Variants in MYZAP observed in about 807,000 individuals in gnomAD.
The protein encoded by MYZAP is myocardial zonula adherens protein.
Under a neutral mutation model 69.4 loss-of-function variants are expected in MYZAP, and 66 were observed. The ratio of observed to expected loss-of-function variants is 0.95; its 90% CI spans 0.78 to 1.17. The LOEUF (loss-of-function observed/expected upper bound fraction) is 1.17, where lower values mean the gene tolerates loss of function less well. Among genes scored for constraint, MYZAP ranks in the 50% most tolerant of loss-of-function variants. The probability of loss-of-function intolerance (pLI) is 0.00; values close to 1 mark genes in which losing one functional copy is unlikely to be tolerated. For missense variants in MYZAP, 611 were observed against 556.2 expected (o/e 1.10, Z -0.99); for synonymous variants, 256 against 205.9 (o/e 1.24, Z -2.09).
At chr15:57,646,314 G>A in intron 10 of MYZAP, 1 of 1,221,624 alleles carries the variant, frequency 8.2e-7, no homozygotes, top group Non-Finnish European at 1.0e-6. Context: ...AACAAAACAG[G>A]AAGGACATAT....
intron 1 of MYZAP, among the ~76,000 whole-genome samples, chr15:57,593,038 A>G (rs940288792): frequency 1.3e-5 from 2 of 152,116 alleles, no homozygotes; most frequent in Admixed American, 6.5e-5. Context: ...TTGCTTTTAC[A>G]TGCCTTAAGC....
At chr15:57,624,315 G>A (rs2035995717) in intron 4 of MYZAP, among the ~76,000 whole-genome samples, 1 of 152,122 alleles carries the variant, frequency 6.6e-6, no homozygotes, top group Non-Finnish European at 1.5e-5. Flanking sequence ...TTTATGGCTG[G>A]GCTGTGAGAT....
Position 57,633,708 on chromosome 15 carries a change from G to C in MYZAP, c.900G>C (p.Gly300=). The change falls in exon 8 of 13, where the codon GGG becomes GGC. Residue 300 remains glycine (G), a synonymous_variant. Transcript: ENST00000267853. ...TAGAGGAGAAAGACCAGAGGATCGG[G>C]GAGCTGGACAGGCTGATTGAGCGCA... is the stretch of plus-strand genomic sequence containing the variant. The part of the protein sequence containing the change: ...ISLEEKDQRI[G]ELDRLIERME... 6.2e-7 allele frequency: 1 copy of C among 1,612,158 alleles called. No homozygotes were observed.
intron 9 of MYZAP, among the ~76,000 whole-genome samples, chr15:57,638,080 G>T (rs2036921432): frequency 6.6e-6 from 1 of 152,200 alleles, no homozygotes; most frequent in Admixed American, 6.5e-5. Flanking sequence ...CCTTGTTGAT[G>T]AGAAAACTCA....
At chr15:57,672,841 G>A (rs1157646503) in intron 11 of MYZAP, among the ~76,000 whole-genome samples, 2 of 151,892 alleles carry the variant, frequency 1.3e-5, no homozygotes, top group South Asian at 2.1e-4. Context: ...AAACTCCACC[G>A]CTGTCCCCAT....
chr15:57,633,733 A>C lies in MYZAP; in HGVS notation c.925A>C (p.Met309Leu). 1 of 1,607,484 alleles carries C rather than the reference A, an allele frequency of 6.2e-7. No homozygotes were observed. ...IGELDRLIER[M>L]EKERHQLQLQ... ...GGAGCTGGACAGGCTGATTGAGCGC[A>C]TGGAAAAGGTAGGACACAGCGTTGG... The change falls in exon 8 of 13, where the codon ATG (methionine) becomes CTG (leucine). Residue 309 changes from methionine (M) to leucine (L), a missense_variant. Met to Leu is a conservative substitution (Grantham distance 15, BLOSUM62 2). Transcript: ENST00000267853.
chr15:57,633,508 G>T, intron 7 of MYZAP, 105 bp from the exon 8 acceptor site: 2 of 1,393,110 alleles, frequency 1.4e-6, no homozygotes, highest in Non-Finnish European at 9.4e-7. Flanking sequence ...CCAAGGTCAT[G>T]TTTTAAAGAG....
intron 5 of MYZAP, among the ~76,000 whole-genome samples, chr15:57,627,313 C>T (rs576826381): frequency 3.1e-3 from 455 of 146,330 alleles, no homozygotes; most frequent in Non-Finnish European, 4.6e-3. Flanking sequence ...TCCTGGACAG[C>T]CAAAGGAGCC....
chr15:57,634,656 G>C (rs1277568951), intron 8 of MYZAP, among the ~76,000 whole-genome samples: 2 of 152,324 alleles, frequency 1.3e-5, no homozygotes, highest in East Asian at 3.9e-4. Context: ...CATAAGGCGA[G>C]GTGTCGCCAC....
intron 1 of MYZAP, among the ~76,000 whole-genome samples, chr15:57,593,190 A>ATGCGCGCGCGCGCG (rs376306761): frequency 0.072 from 7,810 of 107,942 alleles, 380 homozygotes; most frequent in African/African-American, 0.13. Context: ...ACACAGGCGC[A>ATGCGCGCGCGCGCG]CACACACACA....
chr15:57,644,276 A>G (rs1210452588), intron 10 of MYZAP, among the ~76,000 whole-genome samples: 2 of 152,078 alleles, frequency 1.3e-5, no homozygotes, highest in East Asian at 1.9e-4. Context: ...GGTGAACTCA[A>G]TAGGAAGGGC....
At chr15:57,640,786 T>C (rs536471706) in intron 10 of MYZAP, among the ~76,000 whole-genome samples, 1 of 152,318 alleles carries the variant, frequency 6.6e-6, no homozygotes, top group East Asian at 1.9e-4. Context: ...ACATCTTATA[T>C]TGGTTCACAC....
At chr15:57,592,930 A>C (rs2033778505) in intron 1 of MYZAP, among the ~76,000 whole-genome samples, 1 of 152,106 alleles carries the variant, frequency 6.6e-6, no homozygotes, top group Non-Finnish European at 1.5e-5. Flanking sequence ...TCTGATTGAG[A>C]CTTCTGTAAT....
chr15:57,663,055 T>C (rs564027781), intron 11 of MYZAP, among the ~76,000 whole-genome samples: 80 of 152,326 alleles, frequency 5.3e-4, no homozygotes, highest in Admixed American at 9.8e-4. Flanking sequence ...TTTCTGAAAT[T>C]GCAGCTCCCT....
At chr15:57,652,161 T>C (rs1178729406) in intron 10 of MYZAP, among the ~76,000 whole-genome samples, 1 of 152,150 alleles carries the variant, frequency 6.6e-6, no homozygotes, top group African/African-American at 2.4e-5. Context: ...AAAATGTACC[T>C]TTTTCCCTCC....
chr15:57,683,670 G>A (rs150813810), intron 12 of MYZAP, among the ~76,000 whole-genome samples: 98 of 152,286 alleles, frequency 6.4e-4, no homozygotes, highest in African/African-American at 2.3e-3. Context: ...CTGAAGGCTG[G>A]GATGTCTAAG....
chr15:57,682,924 C>T (rs2039515662), intron 12 of MYZAP, among the ~76,000 whole-genome samples: 1 of 152,156 alleles, frequency 6.6e-6, no homozygotes, highest in Non-Finnish European at 1.5e-5. Flanking sequence ...ATGTGAATTT[C>T]CTGGTGGTGC....
At chr15:57,638,583 C>T (rs2036953141) in intron 9 of MYZAP, among the ~76,000 whole-genome samples, 1 of 152,212 alleles carries the variant, frequency 6.6e-6, no homozygotes, top group African/African-American at 2.4e-5. Flanking sequence ...GGCACGGGAA[C>T]TAGACCACCA....
At chr15:57,683,642 A>T (rs1338662677) in intron 12 of MYZAP, among the ~76,000 whole-genome samples, 1 of 152,128 alleles carries the variant, frequency 6.6e-6, no homozygotes, top group Non-Finnish European at 1.5e-5. Context: ...AAACAACAGA[A>T]ATTTTTTTCT....
Sources: allele counts gnomAD v4.1 joint callset (sites outside exome capture counted in the v4.1 genomes callset), GRCh38; gene constraint gnomAD v4.1.1; transcripts MANE v1.5; gene names NCBI Gene and HGNC (gene_info 2026-07-23, HGNC 2026-07-21).